COL4A2: variants seen among roughly 807,000 people sequenced by gnomAD.
The protein encoded by COL4A2 is collagen type IV alpha 2 chain, also known as collagen alpha-2(IV) chain.
A neutral mutation model predicts 200.2 loss-of-function variants in COL4A2; 99 were observed. The ratio of observed to expected loss-of-function variants is 0.49; its 90% confidence interval spans 0.42 to 0.58. The LOEUF (loss-of-function observed/expected upper bound fraction) is 0.58, where lower values mean the gene tolerates loss of function less well. Among genes scored for constraint, COL4A2 ranks in the 20% least tolerant of loss-of-function variants. COL4A2 has a pLI of 0.00. For missense variants in COL4A2, 1,950 were observed against 2,314.1 expected, an observed-to-expected ratio of 0.84 and a Z score of 3.23; for synonymous variants, 897 against 900.6, an observed-to-expected ratio of 1.00 and a Z score of 0.07.
At chr13:110,384,033 C>T (rs1246513845) in intron 4 of COL4A2, among the ~76,000 whole-genome samples, 1 of 152,196 alleles carries the variant, frequency 6.6e-6, no homozygotes, top group African/African-American at 2.4e-5. Flanking sequence ...CGGTAAATGG[C>T]ATCTGCCAGA....
intron 7 of COL4A2, 42 bp from the exon 8 acceptor site, chr13:110,429,843 C>G (rs1383380988): frequency 1.9e-6 from 3 of 1,593,666 alleles, no homozygotes; most frequent in African/African-American, 2.7e-5. Context: ...TTAATGGACT[C>G]TTTTTGTTGT....
intron 4 of COL4A2, among the ~76,000 whole-genome samples, chr13:110,409,252 T>C (rs1879736938): frequency 6.6e-6 from 1 of 152,138 alleles, no homozygotes; most frequent in Non-Finnish European, 1.5e-5. Flanking sequence ...ACATCACGGG[T>C]GAAGCTTTCT....
chr13:110,451,487 G>A (rs1050636361), intron 20 of COL4A2, among the ~76,000 whole-genome samples: 7 of 152,226 alleles, frequency 4.6e-5, no homozygotes, highest in Admixed American at 3.3e-4. Context: ...GGGAGGCCTC[G>A]GGAAATTTAC....
intron 24 of COL4A2, among the ~76,000 whole-genome samples, chr13:110,464,742 G>A (rs763082188): frequency 2.6e-5 from 4 of 152,094 alleles, no homozygotes; most frequent in Admixed American, 6.5e-5. Flanking sequence ...GAGCTTATGC[G>A]CATGGCTGTT....
At chr13:110,452,205 C>T (rs1881563483) in intron 20 of COL4A2, among the ~76,000 whole-genome samples, 2 of 152,236 alleles carry the variant, frequency 1.3e-5, no homozygotes, top group South Asian at 4.1e-4. Context: ...ATGACCTCGG[C>T]TCACTGCACG....
chr13:110,343,653 C>T (rs1162623901), intron 3 of COL4A2, among the ~76,000 whole-genome samples: 1 of 152,232 alleles, frequency 6.6e-6, no homozygotes, highest in African/African-American at 2.4e-5. Flanking sequence ...GCTGCAGGCA[C>T]CTGAGGCTGA....
rs1882267988 is a variant in COL4A2 at position 110,467,025 on chromosome 13, C to T, written c.2039-15C>T. 6.2e-7 allele frequency: 1 copy of T among 1,613,962 alleles called. No homozygotes were observed. The highest frequency in any genetic ancestry group is 2.2e-5 in the East Asian group (1 of 44,870). ...AGGATTGCTTGGGCTCATCTTTTCT[C>T]CTTTCTGTCCCCAGGTTGCATAGGA... On this transcript the variant is annotated splice_polypyrimidine_tract_variant and intron_variant, in intron 26 of 47. Coordinates refer to ENST00000360467, the MANE Select transcript of COL4A2 (RefSeq NM_001846.4).
intron 16 of COL4A2, among the ~76,000 whole-genome samples, chr13:110,445,356 G>A (rs190929725): frequency 1.4e-4 from 21 of 152,124 alleles, no homozygotes; most frequent in Non-Finnish European, 2.2e-4. Context: ...AGCATCCTCC[G>A]CAAATGATCC....
At chr13:110,319,911 T>TAAAAC (rs1404693314) in intron 3 of COL4A2, among the ~76,000 whole-genome samples, 3 of 152,228 alleles carry the variant, frequency 2.0e-5, no homozygotes, top group African/African-American at 7.2e-5. Context: ...CTTCCTGTTG[T>TAAAAC]AAAACAAGGA....
At chr13:110,423,427 C>T (rs1241147535) in intron 4 of COL4A2, among the ~76,000 whole-genome samples, 1 of 151,964 alleles carries the variant, frequency 6.6e-6, no homozygotes, top group Non-Finnish European at 1.5e-5. Flanking sequence ...ACAACACACC[C>T]GGGGCCTGTG....
intron 4 of COL4A2, among the ~76,000 whole-genome samples, chr13:110,376,504 T>C (rs945893215): frequency 6.6e-6 from 1 of 152,194 alleles, no homozygotes; most frequent in African/African-American, 2.4e-5. Flanking sequence ...ATTTTTCTGA[T>C]AGTTTTGATG....
intron 3 of COL4A2, among the ~76,000 whole-genome samples, chr13:110,321,223 T>A (rs976414388): frequency 7.0e-6 from 1 of 143,500 alleles, no homozygotes; most frequent in African/African-American, 2.9e-5. Context: ...TATATATATA[T>A]ATACACACAC....
chr13:110,308,013 G>C, intron 2 of COL4A2, 56 bp from the exon 3 acceptor site: 1 of 1,611,200 alleles, frequency 6.2e-7, no homozygotes, highest in Non-Finnish European at 8.5e-7. Context: ...TAACTCTCGG[G>C]GACTGACAAG....
intron 4 of COL4A2, among the ~76,000 whole-genome samples, chr13:110,394,199 G>A (rs558389704): frequency 6.6e-6 from 1 of 152,316 alleles, no homozygotes; most frequent in African/African-American, 2.4e-5. Flanking sequence ...TAAAACAAGA[G>A]AAAACATTGA....
intron 16 of COL4A2, among the ~76,000 whole-genome samples, chr13:110,443,733 C>A (rs2139473764): frequency 6.6e-6 from 1 of 152,230 alleles, no homozygotes; most frequent in Non-Finnish European, 1.5e-5. Flanking sequence ...GAGTACAGAC[C>A]TTGCCTGGAA....
At chr13:110,505,166 C>A (rs61970344) in intron 45 of COL4A2, among the ~76,000 whole-genome samples, 1,779 of 151,136 alleles carry the variant, frequency 0.012, 35 homozygotes, top group African/African-American at 0.037. Context: ...CTGGCTAACA[C>A]GGTGAAACCC....
intron 29 of COL4A2, among the ~76,000 whole-genome samples, chr13:110,475,005 C>T (rs1257360161): frequency 2.6e-5 from 4 of 151,570 alleles, no homozygotes; most frequent in African/African-American, 9.7e-5. Flanking sequence ...CACACATGAT[C>T]GTACACTCAT....
At chr13:110,431,689 T>C (rs1283870322) in intron 10 of COL4A2, among the ~76,000 whole-genome samples, 1 of 152,232 alleles carries the variant, frequency 6.6e-6, no homozygotes, top group Non-Finnish European at 1.5e-5. Context: ...TGCTAGGTCC[T>C]CAGCTGCTCT....
chr13:110,379,400 C>T (rs1035840520), intron 4 of COL4A2, among the ~76,000 whole-genome samples: 4 of 152,228 alleles, frequency 2.6e-5, no homozygotes, highest in Non-Finnish European at 5.9e-5. Context: ...TGCAAAATTC[C>T]TTGGCATGAC....
Sources: gnomAD v4.1 joint callset for allele counts (sites outside exome capture counted in the v4.1 genomes callset) on GRCh38, gnomAD v4.1.1 for gene constraint, MANE v1.5 for transcripts, NCBI Gene and HGNC (gene_info 2026-07-23, HGNC 2026-07-21) for gene names.